Variants in HPN observed in about 807,000 individuals in gnomAD.
HPN encodes the protein serine protease hepsin.
Under a neutral mutation model 55.9 loss-of-function variants are expected in HPN, and 13 were observed. That is an observed-to-expected ratio of 0.23 (90% CI 0.15 to 0.37). The LOEUF is 0.37. Among genes scored for constraint, HPN ranks in the 10% least tolerant of loss-of-function variants. HPN has a pLI of 1.00. For synonymous variants in HPN, 225 were observed against 240.3 expected, an observed-to-expected ratio of 0.94 and a Z score of 0.59; for missense variants, 451 against 575.8, an observed-to-expected ratio of 0.78 and a Z score of 2.22.
intron 2 of HPN, among the ~76,000 whole-genome samples, chr19:35,046,306 G>A (rs983119957): frequency 2.0e-5 from 3 of 151,670 alleles, no homozygotes; most frequent in African/African-American, 4.8e-5. Flanking sequence ...GTACAGTGGC[G>A]CAATCTTGAT....
intron 1 of HPN, chr19:35,042,165 T>C (rs2064300684): frequency 8.4e-7 from 1 of 1,185,076 alleles, no homozygotes; most frequent in South Asian, 2.0e-5. Context: ...AGACTTATGA[T>C]TTCAGGTCCT....
intron 4 of HPN, among the ~76,000 whole-genome samples, chr19:35,051,851 C>T (rs1029626875): frequency 6.6e-6 from 1 of 152,164 alleles, no homozygotes; most frequent in Non-Finnish European, 1.5e-5. Context: ...CTGACTTGCC[C>T]GAGGCTGACC....
chr19:35,045,135 A>G (rs1317885162), intron 2 of HPN, among the ~76,000 whole-genome samples: 1 of 152,108 alleles, frequency 6.6e-6, no homozygotes, highest in Non-Finnish European at 1.5e-5. Context: ...AAAGGACTGC[A>G]GGAGCCCTGA....
rs1476328037 is a variant in HPN, at chr19:35,042,904, T to C, written c.16+382T>C. ...TGCATTTGAATTTGCTCTTGCCATC[T>C]TTTTTGCTGTGTGATCTGGTGCAAG... On this transcript the variant is annotated intron_variant, in intron 2 of 12. Coordinates refer to ENST00000672452, the MANE Select transcript of HPN (RefSeq NM_001384133.1). Among the ~76,000 whole-genome samples, 4 of 152,216 alleles carry C rather than the reference T, an allele frequency of 2.6e-5. No homozygotes were observed. In the East Asian group the frequency reaches 7.7e-4, roughly 29 times the overall value.
chr19:35,057,640 AAAT>A (rs2064469382), intron 4 of HPN, among the ~76,000 whole-genome samples: 1 of 152,184 alleles, frequency 6.6e-6, no homozygotes, highest in Non-Finnish European at 1.5e-5. Flanking sequence ...TAGACAGGAA[AAAT>A]AAGTTCAAGA....
In HPN at chr19:35,054,676, G is replaced by T. The variant is rs985985955; in HGVS notation, c.161-4997G>T. On this transcript the variant is annotated intron_variant, in intron 4 of 12. Transcript: ENST00000672452. ...CGAATCCTCTCTCCCTGCTTCTCGTGCATTTGGTGACGTTGGGGAAGCCAC... is the reference window on the plus strand; with the variant it reads ...CGAATCCTCTCTCCCTGCTTCTCGTTCATTTGGTGACGTTGGGGAAGCCAC... 3.9e-5 allele frequency among the ~76,000 whole-genome samples: 6 copies of T among 152,196 alleles called. No homozygotes were observed. In the East Asian group the frequency reaches 1.2e-3, roughly 29 times the overall value.
chr19:35,049,269 C>A lies in HPN; in HGVS notation c.17-21C>A, dbSNP rs1053151158. 4.6e-6 allele frequency: 7 copies of A among 1,510,538 alleles called. No homozygotes were observed. In the African/African-American group the frequency reaches 9.7e-5, roughly 21 times the overall value. The allele number at this position is 1,510,538 out of a possible 1,614,324, so 93.6% of individuals were successfully genotyped here. ...AATGAGGACAGGCCTGGCTGTGGCCCCAGCATGGTGTCTGTTGCAGGTGGC... is the reference window on the plus strand; with the variant it reads ...AATGAGGACAGGCCTGGCTGTGGCCACAGCATGGTGTCTGTTGCAGGTGGC... On this transcript the variant is annotated intron_variant, in intron 2 of 12. Coordinates refer to ENST00000672452, the MANE Select transcript of HPN (RefSeq NM_001384133.1).
At chr19:35,041,997 A>G in intron 1 of HPN, 125 bp downstream of exon 1, 1 of 1,176,576 alleles carries the variant, frequency 8.5e-7, no homozygotes, top group Non-Finnish European at 1.1e-6. Flanking sequence ...AGGGGGCACT[A>G]TGACGTCCCC....
intron 2 of HPN, among the ~76,000 whole-genome samples, chr19:35,048,306 G>A (rs765850070): frequency 1.3e-5 from 2 of 152,228 alleles, no homozygotes; most frequent in Non-Finnish European, 2.9e-5. Flanking sequence ...GCCTCTTCCA[G>A]GCTGTCACTG....
chr19:35,060,524 C>T lies in HPN; in HGVS notation c.620+12C>T, dbSNP rs58895965. ...CACTGCTTCCCGGAGTGAGTGCCCC[C>T]CAATGGCGCTGATGATGGGGAGGCA... is the stretch of plus-strand genomic sequence containing the variant. On this transcript the variant is annotated intron_variant, in intron 8 of 12. Transcript: ENST00000672452. The T allele has an allele frequency of 6.2e-7, 1 of 1,611,794 alleles. No homozygotes were observed. Among genetic ancestry groups the T allele is most frequent in the Non-Finnish European group, 8.5e-7 (1 of 1,179,434 alleles).
chr19:35,041,970 T>C (rs1054029360), intron 1 of HPN, 98 bp downstream of exon 1: 100 of 1,202,274 alleles, frequency 8.3e-5, no homozygotes, highest in Non-Finnish European at 1.0e-4. Context: ...AATAGAGGGG[T>C]TCCTGGGGAC....
rs753366151 is a variant in HPN at position 35,066,256 on chromosome 19, C to T, written c.1223C>T (p.Ser408Phe). ...CCAGCTGTCTTTCCCCAGACTCACT[C>T]CGAAGCCAGCGGCATGGTGACCCAG... ...EWIFQAIKTH[S>F]EASGMVTQL Residue 408 changes from serine to phenylalanine, a missense_variant, in exon 13 of 13, where the codon TCC (serine) becomes TTC (phenylalanine). Ser to Phe is a radical substitution (Grantham distance 155). Around this residue, in one of 2 missense-constraint regions of HPN, gnomAD observed 73 missense variants for 130.3 expected, o/e 0.56. Transcript: ENST00000672452. 1.5e-5 allele frequency: 25 copies of T among 1,613,728 alleles called. No individual in the cohort carries two copies. The highest frequency in any genetic ancestry group is 1.5e-4 in the Admixed American group (9 of 59,974).
chr19:35,057,596 A>G (rs1045851942), intron 4 of HPN, among the ~76,000 whole-genome samples: 3 of 152,156 alleles, frequency 2.0e-5, no homozygotes, highest in African/African-American at 4.8e-5. Context: ...AAAGATATAA[A>G]TGTCTTGTTG....
chr19:35,066,472 C>A lies in HPN; in HGVS notation c.*185C>A. On this transcript the variant is annotated 3_prime_UTR_variant, in exon 13 of 13. Transcript: ENST00000672452. ...CAGCCCCGAGACCACCCAACCTCAC[C>A]CTCCTGACCCCCATGTAAATATTGT... The A allele has an allele frequency of 1.5e-6, 1 of 668,014 alleles. No homozygotes were observed. The highest frequency in any genetic ancestry group is 2.7e-5 in the East Asian group (1 of 36,404). The allele number at this position is 668,014 out of a possible 1,614,324, so 41.4% of individuals were successfully genotyped here.
intron 9 of HPN, among the ~76,000 whole-genome samples, chr19:35,063,754 G>A (rs143140300): frequency 1.3e-4 from 20 of 152,274 alleles, no homozygotes; most frequent in Non-Finnish European, 1.0e-4. Context: ...AGGTGGAAGC[G>A]GCTGGGATTT....
chr19:35,041,765 C>A lies in HPN; in HGVS notation c.-162C>A. 3.8e-6 allele frequency: 5 copies of A among 1,299,164 alleles called. No homozygotes were observed. The highest frequency in any genetic ancestry group is 5.0e-6 in the Non-Finnish European group (5 of 997,048). 80.5% of individuals were successfully genotyped at this position (1,299,164 alleles called of 1,614,324 possible). A position where few individuals can be genotyped will look rare whatever the true frequency, so the allele number is the denominator to read the frequency against. ...GCAGGCCCCACGCCACCGCCTCTGCCTCCAGGCCGCCCGCTGCTGCGGGGC... is the reference window on the plus strand; with the variant it reads ...GCAGGCCCCACGCCACCGCCTCTGCATCCAGGCCGCCCGCTGCTGCGGGGC... On this transcript the variant is annotated 5_prime_UTR_variant, in exon 1 of 13. Transcript: ENST00000672452.
In HPN at chr19:35,041,774, G is replaced by T. The variant is rs115117338; in HGVS notation, c.-153G>T. On this transcript the variant is annotated 5_prime_UTR_variant, in exon 1 of 13. Transcript: ENST00000672452. ...ACGCCACCGCCTCTGCCTCCAGGCC[G>T]CCCGCTGCTGCGGGGCCACCATGCT... 2.3e-6 allele frequency: 3 copies of T among 1,302,718 alleles called. No individual in the cohort carries two copies. Among genetic ancestry groups the T allele is most frequent in the Non-Finnish European group, 3.0e-6 (3 of 1,000,760 alleles). The allele number at this position is 1,302,718 out of a possible 1,614,324, so 80.7% of individuals were successfully genotyped here.
intron 4 of HPN, among the ~76,000 whole-genome samples, chr19:35,058,625 CAAT>C (rs2064486318): frequency 6.9e-6 from 1 of 144,820 alleles, no homozygotes; most frequent in African/African-American, 2.5e-5. Flanking sequence ...TATATTATAA[CAAT>C]ATATTAATAT....
chr19:35,045,271 A>G (rs2151753132), intron 2 of HPN, among the ~76,000 whole-genome samples: 1 of 152,088 alleles, frequency 6.6e-6, no homozygotes, highest in African/African-American at 2.4e-5. Flanking sequence ...CAAACTCTGG[A>G]TTTTACGGAG....
Sources: allele counts gnomAD v4.1 joint callset (sites outside exome capture counted in the v4.1 genomes callset), GRCh38; gene constraint gnomAD v4.1.1; regional missense constraint gnomAD v4.1.1; transcripts MANE v1.5; gene names NCBI Gene and HGNC (gene_info 2026-07-23, HGNC 2026-07-21).